COL11A1: variants seen among roughly 807,000 people sequenced by gnomAD.
The protein encoded by COL11A1 is collagen type XI alpha 1 chain, also known as collagen alpha-1(XI) chain.
Under a neutral mutation model 265.2 loss-of-function variants are expected in COL11A1, and 74 were observed. That is an observed-to-expected ratio of 0.28 (90% confidence interval 0.23 to 0.34). COL11A1 has a LOEUF of 0.34. Ranked by LOEUF, COL11A1 falls within the 10% of genes least tolerant of loss-of-function variation. The pLI is 1.00. For missense variants in COL11A1, 2,165 were observed against 2,263.6 expected (o/e 0.96, Z 0.88); for synonymous variants, 816 against 727.6 (o/e 1.12, Z -1.96).
chr1:102,953,607 G>A (rs1226300507), intron 41 of COL11A1, among the ~76,000 whole-genome samples: 1 of 152,206 alleles, frequency 6.6e-6, no homozygotes, highest in African/African-American at 2.4e-5. Flanking sequence ...GATGTTAGAG[G>A]ACTGTAAGTG....
chr1:103,045,957 T>TAG (rs1669226125), intron 4 of COL11A1, among the ~76,000 whole-genome samples: 1 of 151,962 alleles, frequency 6.6e-6, no homozygotes, highest in South Asian at 2.1e-4. Context: ...CATCATTTTT[T>TAG]TATGGCTGCA....
intron 13 of COL11A1, among the ~76,000 whole-genome samples, chr1:103,014,211 G>T (rs1271394077): frequency 6.6e-6 from 1 of 151,948 alleles, no homozygotes; most frequent in Non-Finnish European, 1.5e-5. Flanking sequence ...AGGTGCACTA[G>T]GTGTAAATAT....
chr1:103,107,977 T>TTTTTTTTTTTTTTTGTTTTG, intron 1 of COL11A1, 96 bp downstream of exon 1: 1 of 861,140 alleles, frequency 1.2e-6, no homozygotes, highest in Non-Finnish European at 1.9e-6. Flanking sequence ...TTTTTTTTTC[T>TTTTTTTTTTTTTTTGTTTTG]TGAAGAGCGG....
chr1:102,955,401 C>T (rs1660276032), intron 41 of COL11A1, among the ~76,000 whole-genome samples: 1 of 152,088 alleles, frequency 6.6e-6, no homozygotes, highest in Non-Finnish European at 1.5e-5. Flanking sequence ...CACAGGAAAA[C>T]AGCAAAGACT....
intron 4 of COL11A1, among the ~76,000 whole-genome samples, chr1:103,052,761 A>G (rs1040701220): frequency 6.6e-6 from 1 of 152,162 alleles, no homozygotes; most frequent in African/African-American, 2.4e-5. Context: ...GCATTCATTC[A>G]TGCATTTACT....
chr1:102,928,647 C>T (rs552547890), intron 46 of COL11A1, among the ~76,000 whole-genome samples: 69 of 151,582 alleles, frequency 4.6e-4, no homozygotes, highest in Admixed American at 1.7e-3. Context: ...ATTTCTAGTT[C>T]TAGATCCCTG....
At chr1:103,103,073 G>A (rs1211544561) in intron 1 of COL11A1, among the ~76,000 whole-genome samples, 1 of 151,884 alleles carries the variant, frequency 6.6e-6, no homozygotes, top group Non-Finnish European at 1.5e-5. Flanking sequence ...AGATACTTAT[G>A]TAATTTCAGA....
chr1:103,104,352 G>T (rs796314261), intron 1 of COL11A1, among the ~76,000 whole-genome samples: 55 of 152,174 alleles, frequency 3.6e-4, no homozygotes, highest in African/African-American at 1.3e-3. Context: ...TTTGAAAAGA[G>T]ATGTTTGCTT....
intron 47 of COL11A1, among the ~76,000 whole-genome samples, chr1:102,922,347 T>C (rs1419058778): frequency 6.6e-6 from 1 of 152,208 alleles, no homozygotes; most frequent in African/African-American, 2.4e-5. Flanking sequence ...GGAAAGGAAC[T>C]TGCTATGTAT....
chr1:103,051,242 G>T (rs924707759), intron 4 of COL11A1, among the ~76,000 whole-genome samples: 8 of 152,232 alleles, frequency 5.3e-5, no homozygotes, highest in African/African-American at 1.4e-4. Context: ...AGCTGTGGTG[G>T]TCTCCACCCA....
At chr1:102,981,772 T>G (rs991139546) in intron 31 of COL11A1, among the ~76,000 whole-genome samples, 1 of 151,980 alleles carries the variant, frequency 6.6e-6, no homozygotes, top group African/African-American at 2.4e-5. Context: ...TTTAAAATGC[T>G]GTCTGAAATA....
In COL11A1 at chr1:103,014,542, G is replaced by A. The variant is rs374636016; in HGVS notation, c.1541C>T (p.Ala514Val). The A allele has an allele frequency of 6.2e-6, 10 of 1,613,650 alleles. No homozygotes were observed. Among genetic ancestry groups the A allele is most frequent in the Admixed American group, 1.7e-5 (1 of 59,954 alleles). Residue 514 changes from alanine to valine, a missense_variant, in exon 13 of 67, where the codon GCT becomes GTT. By Grantham distance (64) the Ala-to-Val change is moderately conservative. Coordinates refer to ENST00000370096, the MANE Select transcript of COL11A1 (RefSeq NM_001854.4). The stretch of plus-strand genomic sequence containing the variant: ...CTGCTGAAGAATAGCTTGAGCCTGA[G>A]CTTCCTGAGCAGAGATGGTTGGTCC... ...SKGPTISAQE[A>V]QAQAILQQAR...
chr1:103,066,942 GAGA>G (rs1671203515), intron 4 of COL11A1, among the ~76,000 whole-genome samples: 1 of 151,874 alleles, frequency 6.6e-6, no homozygotes, highest in South Asian at 2.1e-4. Context: ...AGTGGAGATA[GAGA>G]GCTATTTCAC....
intron 4 of COL11A1, among the ~76,000 whole-genome samples, chr1:103,035,200 A>G (rs1225013318): frequency 6.6e-6 from 1 of 152,064 alleles, no homozygotes; most frequent in Non-Finnish European, 1.5e-5. Flanking sequence ...TCACACAGGT[A>G]TCCTAGATGA....
rs369509489 is a variant in COL11A1 at position 102,910,091 on chromosome 1, A to G, written c.4086+2068T>C. Among the ~76,000 whole-genome samples, 45 of 152,118 alleles carry G rather than the reference A, an allele frequency of 3.0e-4. No homozygotes were observed. In the East Asian group the frequency reaches 7.5e-3, roughly 25 times the overall value. On this transcript the variant is annotated intron_variant, in intron 54 of 66. Transcript: ENST00000370096. The stretch of plus-strand genomic sequence containing the variant: ...TTATGTGATAGTTATAGGTTTATAT[A>G]TAAGTTTTGGGTCATATTATTATAC...
intron 36 of COL11A1, among the ~76,000 whole-genome samples, chr1:102,970,991 A>G (rs750796660): frequency 2.0e-5 from 3 of 146,932 alleles, no homozygotes; most frequent in Non-Finnish European, 3.0e-5. Context: ...TCCGAGCGAG[A>G]CCGTCTCAAA....
intron 7 of COL11A1, 139 bp downstream of exon 7, chr1:103,025,382 A>G: frequency 1.4e-6 from 1 of 708,246 alleles, no homozygotes; most frequent in Non-Finnish European, 2.5e-6. Context: ...AACCATTGCT[A>G]TTGTTTCTCT....
At chr1:102,881,908 T>G (rs1306036229) in intron 64 of COL11A1, 143 bp from the exon 65 acceptor site, 1 of 674,594 alleles carries the variant, frequency 1.5e-6, no homozygotes, top group Non-Finnish European at 2.5e-6. Context: ...CAAATTAGAT[T>G]ATACAAAATG....
intron 54 of COL11A1, among the ~76,000 whole-genome samples, chr1:102,902,231 G>C (rs924701692): frequency 5.9e-5 from 9 of 152,162 alleles, no homozygotes; most frequent in Non-Finnish European, 1.5e-5. Flanking sequence ...CTATGCATTT[G>C]TCTTGCTATG....
Sources: gnomAD v4.1 joint callset for allele counts (sites outside exome capture counted in the v4.1 genomes callset) on GRCh38, gnomAD v4.1.1 for gene constraint, MANE v1.5 for transcripts, NCBI Gene and HGNC (gene_info 2026-07-23, HGNC 2026-07-21) for gene names.